EFCAB7: variants seen among roughly 807,000 people sequenced by gnomAD.
The protein encoded by EFCAB7 is EF-hand calcium-binding domain-containing protein 7.
A neutral mutation model predicts 77.1 loss-of-function variants in EFCAB7; 66 were observed. The ratio of observed to expected loss-of-function variants is 0.86; its 90% confidence interval spans 0.70 to 1.05. The LOEUF is 1.05. Among genes scored for constraint, EFCAB7 ranks in the 50% least tolerant of loss-of-function variants. EFCAB7 has a pLI of 0.00. For missense variants in EFCAB7, 638 were observed against 730.5 expected, an observed-to-expected ratio of 0.87 and a Z score of 1.46; for synonymous variants, 225 against 243.3, an observed-to-expected ratio of 0.92 and a Z score of 0.70.
intron 11 of EFCAB7, among the ~76,000 whole-genome samples, chr1:63,562,449 T>TTATATATATA (rs869302346): frequency 0.017 from 379 of 22,116 alleles, 6 homozygotes; most frequent in Non-Finnish European, 0.022. Context: ...CTTAATTTAT[T>TTATATATATA]TATATATATA....
downstream of EFCAB7, among the ~76,000 whole-genome samples, chr1:63,576,592 G>A (rs1339756845): frequency 6.6e-6 from 1 of 151,894 alleles, no homozygotes; most frequent in Admixed American, 6.6e-5. Context: ...GGCTGAGGTG[G>A]GTGGATCACC....
rs144850202 is a variant in EFCAB7 at position 63,561,783 on chromosome 1, C to A, written c.1423C>A (p.Arg475=). ...MDLNLMEAND[R]EGDPCDLWVT... ...TTTGAATCTAATGGAAGCTAATGAT[C>A]GAGAAGGAGATCCTTGTGACCTTTG... is the stretch of plus-strand genomic sequence containing the variant. The change falls in exon 11 of 14, where the codon CGA becomes AGA. Residue 475 remains arginine (R), a synonymous_variant. Transcript: ENST00000371088. 2.5e-6 allele frequency: 4 copies of A among 1,608,420 alleles called. No homozygotes were observed. Among genetic ancestry groups the A allele is most frequent in the Admixed American group, 3.3e-5 (2 of 59,728 alleles).
the EFCAB7 span, among the ~76,000 whole-genome samples, chr1:63,584,357 T>C: frequency 1.3e-5 from 2 of 152,026 alleles, no homozygotes; most frequent in African/African-American, 2.4e-5. Flanking sequence ...GAGTTCAAGA[T>C]CAGCCTGGGC....
chr1:63,571,264 TCTATAC>T, intron 13 of EFCAB7, 136 bp downstream of exon 13: 1 of 613,074 alleles, frequency 1.6e-6, no homozygotes, highest in Non-Finnish European at 2.9e-6. Flanking sequence ...TCAGTATCAT[TCTATAC>T]TCAGAGACAG....
At chr1:63,525,787 C>A in intron 2 of EFCAB7, 28 bp downstream of exon 2, 3 of 1,455,236 alleles carry the variant, frequency 2.1e-6, no homozygotes, top group Non-Finnish European at 1.8e-6. Context: ...TTAAATCTTT[C>A]ACCTTTTTGT....
chr1:63,562,696 TG>T (rs1647124104), intron 11 of EFCAB7, among the ~76,000 whole-genome samples: 1 of 148,652 alleles, frequency 6.7e-6, no homozygotes, highest in African/African-American at 2.5e-5. Flanking sequence ...TTTGTAGAGA[TG>T]GGGGTCTCAC....
downstream of EFCAB7, among the ~76,000 whole-genome samples, chr1:63,576,760 C>T (rs542413983): frequency 9.9e-5 from 15 of 152,030 alleles, no homozygotes; most frequent in African/African-American, 2.9e-4. Context: ...CACTTGAACC[C>T]GGGAGGCAGA....
chr1:63,537,572 T>C (rs1329424113), intron 6 of EFCAB7, among the ~76,000 whole-genome samples: 2 of 152,190 alleles, frequency 1.3e-5, no homozygotes, highest in African/African-American at 2.4e-5. Context: ...AATTTTCTTA[T>C]AAGTTTCTCA....
the EFCAB7 span, among the ~76,000 whole-genome samples, chr1:63,578,160 C>T: frequency 6.6e-6 from 1 of 151,922 alleles, no homozygotes; most frequent in Admixed American, 6.6e-5. Context: ...CTTTAAGTGA[C>T]CTTGAAGAGA....
At chr1:63,544,383 A>T (rs1372013728) in intron 6 of EFCAB7, among the ~76,000 whole-genome samples, 8 of 151,782 alleles carry the variant, frequency 5.3e-5, no homozygotes, top group African/African-American at 1.9e-4. Context: ...CAAAAGTGAT[A>T]TTTTATATTC....
At chr1:63,540,229 T>C (rs1646811479) in intron 6 of EFCAB7, among the ~76,000 whole-genome samples, 1 of 151,850 alleles carries the variant, frequency 6.6e-6, no homozygotes, top group Non-Finnish European at 1.5e-5. Context: ...CTGGGTGTGG[T>C]GGCAGGCCCC....
chr1:63,559,301 CAAAA>C (rs71052490), intron 10 of EFCAB7, among the ~76,000 whole-genome samples: 2 of 62,236 alleles, frequency 3.2e-5, no homozygotes, highest in Non-Finnish European at 5.9e-5. Context: ...GACTCTGTCT[CAAAA>C]AAAAAAAAAA....
chr1:63,558,699 CT>C (rs200616528), intron 10 of EFCAB7, among the ~76,000 whole-genome samples: 2 of 151,964 alleles, frequency 1.3e-5, no homozygotes, highest in South Asian at 2.1e-4. Context: ...TTTTAATAAA[CT>C]TTTTTTACAC....
At chr1:63,525,061 C>G (rs545401717) in intron 1 of EFCAB7, among the ~76,000 whole-genome samples, 74 of 152,208 alleles carry the variant, frequency 4.9e-4, no homozygotes, top group African/African-American at 1.7e-3. Context: ...CCACTCATAT[C>G]CCGATTCTCA....
chr1:63,585,118 A>G, the EFCAB7 span, among the ~76,000 whole-genome samples: 311 of 151,552 alleles, frequency 2.1e-3, no homozygotes, highest in Admixed American at 3.6e-3. Flanking sequence ...CTCATTAGAA[A>G]CATCTAGGCA....
At position 63,531,863 on chromosome 1, in the gene EFCAB7, TA is replaced by T. The variant is rs1196827301; in HGVS notation, c.233del (p.Lys78SerfsTer10). The T allele has an allele frequency of 1.9e-6, 3 of 1,612,684 alleles. No individual in the cohort carries two copies. The highest frequency in any genetic ancestry group is 3.3e-5 in the Admixed American group (2 of 59,828). On this transcript the variant is annotated frameshift_variant, in exon 3 of 14. Transcript: ENST00000371088. LOFTEE classifies it high-confidence loss of function. ...GRNPSQKTIN[K>X]YWTPQTAKLN... ...GAAATCCATCCCAAAAGACCATTAA[TA>T]AGTATTGGACTCCTCAAACTGCCAA...
At chr1:63,580,530 C>G in the EFCAB7 span, among the ~76,000 whole-genome samples, 1 of 152,252 alleles carries the variant, frequency 6.6e-6, no homozygotes, top group Admixed American at 6.5e-5. Flanking sequence ...TGGTACTGTT[C>G]TTTTCCAGAA....
At chr1:63,580,169 GCTTT>G in the EFCAB7 span, among the ~76,000 whole-genome samples, 1 of 152,100 alleles carries the variant, frequency 6.6e-6, no homozygotes, top group African/African-American at 2.4e-5. Flanking sequence ...TTTTTCTTCT[GCTTT>G]CTTCTAAAAG....
chr1:63,523,538 A>T lies in EFCAB7; in HGVS notation c.-98A>T, dbSNP rs913123953. 1 of 267,220 alleles carries T rather than the reference A, an allele frequency of 3.7e-6. No homozygotes were observed. The highest frequency in any genetic ancestry group is 7.4e-6 in the Non-Finnish European group (1 of 134,808). The allele number at this position is 267,220 out of a possible 1,614,324, so 16.6% of individuals were successfully genotyped here. A position where few individuals can be genotyped will look rare whatever the true frequency, so the allele number is the denominator to read the frequency against. ...GCGGTGAGGTGCAGTTGCCATGGTG[A>T]TTAGAGAAAGGCCGAGATCTGTCCA... On this transcript the variant is annotated 5_prime_UTR_variant, in exon 1 of 14. Coordinates refer to ENST00000371088, the MANE Select transcript of EFCAB7 (RefSeq NM_032437.4).
Sources: gnomAD v4.1 joint callset for allele counts (sites outside exome capture counted in the v4.1 genomes callset) on GRCh38, gnomAD v4.1.1 for gene constraint, MANE v1.5 for transcripts, NCBI Gene and HGNC (gene_info 2026-07-23, HGNC 2026-07-21) for gene names.